Variants in DNAH11 observed in about 807,000 individuals in gnomAD.
DNAH11 encodes dynein axonemal heavy chain 11.
Under a neutral mutation model 526.0 loss-of-function variants are expected in DNAH11, and 442 were observed. That is an observed-to-expected ratio of 0.84 (90% CI 0.78 to 0.91). The LOEUF (loss-of-function observed/expected upper bound fraction) is 0.91. DNAH11 is among the 40% of genes least tolerant of loss of function. DNAH11 has a pLI of 0.00. For missense variants in DNAH11, 6,989 were observed against 5,448.7 expected (o/e 1.28, Z -8.90); for synonymous variants, 2,461 against 1,935.9 (o/e 1.27, Z -7.12).
At chr7:21,634,109 C>T (rs564081877) in intron 25 of DNAH11, among the ~76,000 whole-genome samples, 1 of 152,262 alleles carries the variant, frequency 6.6e-6, no homozygotes, top group East Asian at 1.9e-4. Flanking sequence ...TATTATTAGA[C>T]ATAAGACATT....
At position 21,692,147 on chromosome 7, in the gene DNAH11, T is replaced by C. The variant is rs147192782; in HGVS notation, c.6041+1266T>C. Among the ~76,000 whole-genome samples, 415 of 152,358 alleles carry C rather than the reference T, an allele frequency of 2.7e-3. 2 individuals are homozygous for C. The highest frequency in any genetic ancestry group is 9.5e-3 in the African/African-American group (397 of 41,588). On this transcript the variant is annotated intron_variant, in intron 35 of 81. Coordinates refer to ENST00000409508, the MANE Select transcript of DNAH11 (RefSeq NM_001277115.2). ...ATTGTAATTTTGCAGAATTGAAATA[T>C]GGTTTATGTTTTATTAGAGAAAGAG...
At position 21,735,689 on chromosome 7, in the gene DNAH11, A is replaced by G. The variant is rs2128489072; in HGVS notation, c.7490A>G (p.Glu2497Gly). ...TETARLRYFMELLLEKGKPLM... is the reference protein window; with the variant it reads ...TETARLRYFMGLLLEKGKPLM... ...ACAGCTCGTCTTAGATATTTCATGG[A>G]GTTGTTGCTTGAGAAAGGAAAACCT... Residue 2497 changes from glutamate to glycine, a missense_variant, in exon 46 of 82, where the codon GAG becomes GGG. Glu to Gly is a moderately conservative substitution (Grantham distance 98). Transcript: ENST00000409508. The G allele has an allele frequency of 6.2e-7, 1 of 1,612,622 alleles. No individual in the cohort carries two copies. The highest frequency in any genetic ancestry group is 8.5e-7 in the Non-Finnish European group (1 of 1,179,208).
chr7:21,563,869 C>T (rs561208533), intron 5 of DNAH11, among the ~76,000 whole-genome samples: 4 of 152,176 alleles, frequency 2.6e-5, no homozygotes, highest in East Asian at 3.9e-4. Flanking sequence ...GGTTTTATTC[C>T]GACAGTTTCC....
chr7:21,892,815 C>T, intron 77 of DNAH11, 148 bp downstream of exon 77: 2 of 945,924 alleles, frequency 2.1e-6, no homozygotes, highest in Non-Finnish European at 1.5e-6. Context: ...ATTTCCAACA[C>T]TCCAGAAGGA....
Position 21,698,588 on chromosome 7 carries a change from G to A in DNAH11, c.6180+375G>A, listed in dbSNP as rs191841771. On this transcript the variant is annotated intron_variant, in intron 36 of 81. Coordinates refer to ENST00000409508, the MANE Select transcript of DNAH11 (RefSeq NM_001277115.2). ...ACGATATTTGGCTTTCCATTCCTGA[G>A]TTACTTTACTAGAATAATGGTCTCC... Among the ~76,000 whole-genome samples the A allele has an allele frequency of 2.0e-5, 3 of 152,222 alleles. No individual in the cohort carries two copies. In the East Asian group the frequency reaches 5.8e-4, roughly 29 times the overall value.
chr7:21,820,221 C>A (rs1789996574), intron 65 of DNAH11, among the ~76,000 whole-genome samples: 1 of 152,120 alleles, frequency 6.6e-6, no homozygotes, highest in Non-Finnish European at 1.5e-5. Context: ...AGGTACTATA[C>A]TGGGGGCTGC....
chr7:21,559,664 C>T lies in DNAH11; in HGVS notation c.754C>T (p.His252Tyr), dbSNP rs1783373983. The change falls in exon 4 of 82, where the codon CAT (histidine) becomes TAT (tyrosine). Residue 252 changes from histidine to tyrosine, a missense_variant. Coordinates refer to ENST00000409508, the MANE Select transcript of DNAH11 (RefSeq NM_001277115.2). Reference sequence around the variant, plus strand: ...TGAATCTGTGGTTATTGAATGGTCACATCAAATCCAAGAAATTATAGAAAG... The same window carrying T: ...TGAATCTGTGGTTATTGAATGGTCATATCAAATCCAAGAAATTATAGAAAG... Reference protein sequence around the residue: ...AIESVVIEWSHQIQEIIERDS... With the variant: ...AIESVVIEWSYQIQEIIERDS... 1.2e-6 allele frequency: 2 copies of T among 1,612,038 alleles called. No homozygotes were observed. Among genetic ancestry groups the T allele is most frequent in the East Asian group, 2.2e-5 (1 of 44,808 alleles).
intron 55 of DNAH11, among the ~76,000 whole-genome samples, chr7:21,772,814 G>C (rs1787494748): frequency 6.6e-6 from 1 of 152,170 alleles, no homozygotes; most frequent in Admixed American, 6.5e-5. Context: ...TTCAGGAGCA[G>C]TTGTTTTTCA....
chr7:21,899,290 T>G (rs1784650073), intron 79 of DNAH11, 46 bp from the exon 80 acceptor site: 1 of 1,488,668 alleles, frequency 6.7e-7, no homozygotes, highest in African/African-American at 1.4e-5. Flanking sequence ...GGAAAATGGC[T>G]ATTTTACTGA....
intron 56 of DNAH11, among the ~76,000 whole-genome samples, chr7:21,778,510 A>G (rs1174884811): frequency 6.6e-6 from 1 of 152,126 alleles, no homozygotes; most frequent in African/African-American, 2.4e-5. Context: ...TCAGGCAAGG[A>G]GCATTCATGT....
chr7:21,878,454 TA>T (rs892941265), intron 74 of DNAH11, among the ~76,000 whole-genome samples: 1 of 152,240 alleles, frequency 6.6e-6, no homozygotes, highest in Admixed American at 6.5e-5. Flanking sequence ...TTGGATCTCC[TA>T]GAAATTTCTC....
intron 70 of DNAH11, among the ~76,000 whole-genome samples, chr7:21,866,076 T>A (rs1413460922): frequency 6.6e-6 from 1 of 152,116 alleles, no homozygotes; most frequent in East Asian, 1.9e-4. Flanking sequence ...TCCTATCTCA[T>A]CCTGTGACTT....
At chr7:21,872,287 C>A (rs545594733) in intron 73 of DNAH11, among the ~76,000 whole-genome samples, 3 of 152,000 alleles carry the variant, frequency 2.0e-5, no homozygotes, top group Admixed American at 2.0e-4. Flanking sequence ...CCACATCTAC[C>A]AGTGTTCATT....
intron 76 of DNAH11, among the ~76,000 whole-genome samples, chr7:21,887,262 T>C (rs754606599): frequency 4.6e-5 from 7 of 152,180 alleles, no homozygotes; most frequent in Non-Finnish European, 1.0e-4. Flanking sequence ...ATGAGTTTGC[T>C]CTCAGAGAGA....
At chr7:21,714,416 A>C (rs1376372926) in intron 42 of DNAH11, among the ~76,000 whole-genome samples, 1 of 152,190 alleles carries the variant, frequency 6.6e-6, no homozygotes, top group Non-Finnish European at 1.5e-5. Flanking sequence ...CATTGCAATA[A>C]ACTTTCAATA....
At chr7:21,864,504 A>C in intron 69 of DNAH11, 31 bp from the exon 70 acceptor site, 1 of 1,605,776 alleles carries the variant, frequency 6.2e-7, no homozygotes, top group Non-Finnish European at 8.5e-7. Context: ...TGTAAACCTA[A>C]TAATCCTTTT....
At chr7:21,822,405 A>G (rs1379804521) in intron 65 of DNAH11, among the ~76,000 whole-genome samples, 1 of 152,134 alleles carries the variant, frequency 6.6e-6, no homozygotes, top group South Asian at 2.1e-4. Context: ...ACACCAAGCC[A>G]TTCATGAGAG....
intron 76 of DNAH11, among the ~76,000 whole-genome samples, chr7:21,890,232 G>A (rs1309266961): frequency 2.0e-5 from 3 of 152,178 alleles, no homozygotes; most frequent in Admixed American, 2.0e-4. Context: ...GCTGAATCAG[G>A]CTGTCTAGCT....
At chr7:21,885,430 A>G (rs148987586) in intron 76 of DNAH11, among the ~76,000 whole-genome samples, 1 of 151,926 alleles carries the variant, frequency 6.6e-6, no homozygotes, top group African/African-American at 2.4e-5. Flanking sequence ...TAAATGGTGA[A>G]TAGAACAGTG....
Sources: gnomAD v4.1 joint callset for allele counts (sites outside exome capture counted in the v4.1 genomes callset) on GRCh38, gnomAD v4.1.1 for gene constraint, MANE v1.5 for transcripts, NCBI Gene and HGNC (gene_info 2026-07-23, HGNC 2026-07-21) for gene names.